ADGRB3: variants seen among roughly 807,000 people sequenced by gnomAD.
ADGRB3 encodes brain-specific angiogenesis inhibitor 3.
Under a neutral mutation model 193.4 loss-of-function variants are expected in ADGRB3, and 37 were observed. The ratio of observed to expected loss-of-function variants is 0.19; its 90% CI spans 0.15 to 0.25. The LOEUF (loss-of-function observed/expected upper bound fraction) is 0.25, where lower values mean the gene tolerates loss of function less well. Ranked by LOEUF, ADGRB3 falls within the 10% of genes least tolerant of loss-of-function variation. The pLI is 1.00. For missense variants in ADGRB3, 1,637 were observed against 1,852.9 expected, an observed-to-expected ratio of 0.88 and a Z score of 2.14; for synonymous variants, 690 against 644.2, an observed-to-expected ratio of 1.07 and a Z score of -1.08.
At chr6:69,319,466 T>C (rs1768395961) in intron 20 of ADGRB3, among the ~76,000 whole-genome samples, 1 of 151,396 alleles carries the variant, frequency 6.6e-6, no homozygotes, top group Non-Finnish European at 1.5e-5. Flanking sequence ...TAACCACTTT[T>C]ATTTATTGCA....
intron 6 of ADGRB3, among the ~76,000 whole-genome samples, chr6:68,947,543 A>T (rs1767805821): frequency 6.6e-6 from 1 of 152,246 alleles, no homozygotes; most frequent in South Asian, 2.1e-4. Flanking sequence ...AATTTAAAGG[A>T]CATTTTCTAT....
intron 3 of ADGRB3, among the ~76,000 whole-genome samples, chr6:68,646,231 C>A (rs1374375504): frequency 6.6e-6 from 1 of 151,854 alleles, no homozygotes; most frequent in African/African-American, 2.4e-5. Context: ...AATCCCAGCA[C>A]TTTGGGAGGC....
chr6:69,199,112 T>G (rs1765361302), intron 17 of ADGRB3, among the ~76,000 whole-genome samples: 1 of 152,136 alleles, frequency 6.6e-6, no homozygotes, highest in South Asian at 2.1e-4. Flanking sequence ...GGTGTGGCAG[T>G]AAATATCTCT....
chr6:68,719,120 G>A (rs895343562), intron 3 of ADGRB3, among the ~76,000 whole-genome samples: 4 of 151,734 alleles, frequency 2.6e-5, no homozygotes, highest in African/African-American at 9.7e-5. Context: ...TGAAGAATGA[G>A]TTGGAAATAT....
chr6:68,916,971 A>T (rs1317908152), intron 3 of ADGRB3, among the ~76,000 whole-genome samples: 1 of 152,144 alleles, frequency 6.6e-6, no homozygotes, highest in African/African-American at 2.4e-5. Flanking sequence ...TCCCTGTGCT[A>T]TGTGGAGAAT....
chr6:69,345,869 C>A (rs1490345261), intron 26 of ADGRB3, among the ~76,000 whole-genome samples: 1 of 152,130 alleles, frequency 6.6e-6, no homozygotes, highest in Non-Finnish European at 1.5e-5. Context: ...CAGTCTCAGC[C>A]CCAAACCTTC....
chr6:68,744,802 A>G (rs982407878), intron 3 of ADGRB3, among the ~76,000 whole-genome samples: 2 of 152,096 alleles, frequency 1.3e-5, no homozygotes, highest in Admixed American at 6.6e-5. Context: ...TGGGTTGATG[A>G]GTGCAGCAAA....
rs375368868 is a variant in ADGRB3 at position 69,081,146 on chromosome 6, A to G, written c.2480+5108A>G. Among the ~76,000 whole-genome samples, 23 of 152,148 alleles carry G rather than the reference A, an allele frequency of 1.5e-4. No homozygotes were observed. In the East Asian group the frequency reaches 2.9e-3, roughly 19 times the overall value. On this transcript the variant is annotated intron_variant, in intron 17 of 31. Transcript: ENST00000370598. Reference sequence around the variant, plus strand: ...GATAAGTTAAATTTTTGGAATTTGCATCTAAGATGTTAAAATTCCATAGAA... The same window carrying G: ...GATAAGTTAAATTTTTGGAATTTGCGTCTAAGATGTTAAAATTCCATAGAA...
chr6:69,001,943 G>A (rs1250546405), intron 11 of ADGRB3, among the ~76,000 whole-genome samples: 1 of 152,084 alleles, frequency 6.6e-6, no homozygotes, highest in African/African-American at 2.4e-5. Flanking sequence ...ATACACTCTG[G>A]TATTCTCCAT....
intron 17 of ADGRB3, among the ~76,000 whole-genome samples, chr6:69,201,810 A>T (rs1361253706): frequency 6.6e-6 from 1 of 151,800 alleles, no homozygotes; most frequent in African/African-American, 2.4e-5. Context: ...TATTTCAACT[A>T]CCTCCAGGAT....
intron 3 of ADGRB3, among the ~76,000 whole-genome samples, chr6:68,714,012 A>T (rs1282583478): frequency 6.6e-6 from 1 of 151,728 alleles, no homozygotes; most frequent in African/African-American, 2.4e-5. Context: ...AGTATGGAAT[A>T]ACTTTATTCA....
In ADGRB3 at chr6:68,748,217, A is replaced by C. The variant is rs116139537; in HGVS notation, c.757+108785A>C. Among the ~76,000 whole-genome samples the C allele has an allele frequency of 6.0e-3, 912 of 152,206 alleles. 7 individuals are homozygous for C. Among genetic ancestry groups the C allele is most frequent in the African/African-American group, 0.021 (882 of 41,542 alleles). On this transcript the variant is annotated intron_variant, in intron 3 of 31. Coordinates refer to ENST00000370598, the MANE Select transcript of ADGRB3 (RefSeq NM_001704.3). ...ATGTCCTCACTTTTCAAAATCAATT[A>C]TGCCTTCCCAACAGTCCCATAAAGT...
intron 3 of ADGRB3, among the ~76,000 whole-genome samples, chr6:68,827,729 T>A (rs1439866494): frequency 2.0e-5 from 3 of 152,084 alleles, no homozygotes; most frequent in Non-Finnish European, 4.4e-5. Flanking sequence ...TACAAGATGG[T>A]CAGAAGTGGC....
At chr6:69,350,034 C>T (rs1279619382) in intron 26 of ADGRB3, among the ~76,000 whole-genome samples, 1 of 152,188 alleles carries the variant, frequency 6.6e-6, no homozygotes, top group African/African-American at 2.4e-5. Context: ...TCCAGAAGCT[C>T]TCAGCCTGCT....
intron 8 of ADGRB3, among the ~76,000 whole-genome samples, chr6:68,960,974 C>T (rs1768215932): frequency 6.6e-6 from 1 of 152,150 alleles, no homozygotes; most frequent in Non-Finnish European, 1.5e-5. Flanking sequence ...ATACAGTCCT[C>T]TACCTCTGTT....
At chr6:68,656,075 T>G (rs1441196615) in intron 3 of ADGRB3, among the ~76,000 whole-genome samples, 1 of 151,522 alleles carries the variant, frequency 6.6e-6, no homozygotes, top group Non-Finnish European at 1.5e-5. Context: ...CTGAGCAGAG[T>G]CAATTGAAAA....
At chr6:69,328,556 A>G (rs1474910467) in intron 22 of ADGRB3, among the ~76,000 whole-genome samples, 1 of 152,170 alleles carries the variant, frequency 6.6e-6, no homozygotes, top group East Asian at 1.9e-4. Flanking sequence ...AAGTGGGGAA[A>G]GAAATGTGCA....
At chr6:69,329,616 A>G (rs1398181768) in intron 22 of ADGRB3, among the ~76,000 whole-genome samples, 2 of 152,210 alleles carry the variant, frequency 1.3e-5, no homozygotes, top group Non-Finnish European at 2.9e-5. Context: ...CTGCTTTTGA[A>G]GGCAGCATGC....
chr6:68,775,176 G>A (rs946898565), intron 3 of ADGRB3, among the ~76,000 whole-genome samples: 5 of 122,046 alleles, frequency 4.1e-5, no homozygotes, highest in Non-Finnish European at 8.5e-5. Context: ...TTTAATGTTA[G>A]TTTTCTTGTG....
Sources: allele counts gnomAD v4.1 joint callset (sites outside exome capture counted in the v4.1 genomes callset), GRCh38; gene constraint gnomAD v4.1.1; transcripts MANE v1.5; gene names NCBI Gene and HGNC (gene_info 2026-07-23, HGNC 2026-07-21).